The following FAM76A variants were observed in gnomAD, a reference collection of about 807,000 sequenced individuals.
FAM76A encodes family with sequence similarity 76 member A.
FAM76A carries 32 observed loss-of-function variants against 46.2 expected under a neutral mutation model. That is an observed-to-expected ratio of 0.69 (90% CI 0.52 to 0.93). The LOEUF (loss-of-function observed/expected upper bound fraction) is 0.93. Among genes scored for constraint, FAM76A ranks in the 40% least tolerant of loss-of-function variants. The probability of loss-of-function intolerance (pLI) is 0.00; values close to 1 mark genes in which losing one functional copy is unlikely to be tolerated. For missense variants in FAM76A, 274 were observed against 361.5 expected (o/e 0.76, Z 1.96); for synonymous variants, 137 against 127.0 (o/e 1.08, Z -0.53).
intron 4 of FAM76A, chr1:27,740,508 C>T: frequency 7.1e-7 from 1 of 1,408,062 alleles, no homozygotes. Flanking sequence ...TGTGCAGAGG[C>T]AGGAGCTAAC....
Position 27,732,598 on chromosome 1 carries a change from A to G in FAM76A, c.147-5A>G. The G allele has an allele frequency of 6.2e-7, 1 of 1,605,840 alleles. No individual in the cohort carries two copies. Among genetic ancestry groups the G allele is most frequent in the African/African-American group, 1.3e-5 (1 of 74,938 alleles). Reference sequence around the variant, plus strand: ...AAAAGCCTGTGTCTCTTTCTTCCTTAACAGTAAAACCAATACAATATGCAA... The same window carrying G: ...AAAAGCCTGTGTCTCTTTCTTCCTTGACAGTAAAACCAATACAATATGCAA... On this transcript the variant is annotated splice_polypyrimidine_tract_variant and splice_region_variant and intron_variant, in intron 2 of 8. Coordinates refer to ENST00000373954, the MANE Select transcript of FAM76A (RefSeq NM_152660.3).
At chr1:27,753,125 C>T (rs185755984) in intron 6 of FAM76A, among the ~76,000 whole-genome samples, 1 of 152,086 alleles carries the variant, frequency 6.6e-6, no homozygotes, top group East Asian at 1.9e-4. Context: ...TGTGGTGAGC[C>T]GAGATCATGC....
intron 6 of FAM76A, among the ~76,000 whole-genome samples, chr1:27,751,141 C>T (rs1450637882): frequency 6.7e-6 from 1 of 149,282 alleles, no homozygotes; most frequent in Non-Finnish European, 1.5e-5. Context: ...CAGTGAGACT[C>T]TGTCTCAAAA....
At chr1:27,759,305 A>G (rs1172966467) in intron 7 of FAM76A, among the ~76,000 whole-genome samples, 1 of 152,210 alleles carries the variant, frequency 6.6e-6, no homozygotes, top group East Asian at 1.9e-4. Context: ...GGTAGCAACT[A>G]TTATTCTCAA....
chr1:27,748,122 T>A (rs2088271069), intron 5 of FAM76A, among the ~76,000 whole-genome samples: 1 of 133,198 alleles, frequency 7.5e-6, no homozygotes, highest in South Asian at 2.5e-4. Context: ...TAAAAGAAGT[T>A]TTTTTTTTTT....
intron 2 of FAM76A, among the ~76,000 whole-genome samples, chr1:27,728,949 G>A (rs1016498631): frequency 1.3e-5 from 2 of 151,598 alleles, no homozygotes; most frequent in Admixed American, 1.3e-4. Flanking sequence ...GGGTGACGGG[G>A]GGAAACTCTG....
Position 27,744,745 on chromosome 1 carries a change from C to T in FAM76A, c.446C>T (p.Ser149Phe), listed in dbSNP as rs754748633. The change falls in exon 5 of 9, where the codon TCT becomes TTT. Residue 149 changes from serine (S) to phenylalanine (F), a missense_variant. By Grantham distance (155) the Ser-to-Phe change is radical. Coordinates refer to ENST00000373954, the MANE Select transcript of FAM76A (RefSeq NM_152660.3). The part of the protein sequence containing the change: ...TKEQRKHLSS[S>F]SRAGHQEKEQ... ...GAGCAGAGGAAACACCTGAGTAGCTCTTCTCGTGCTGGCCACCAGGAGAAG... is the reference window on the plus strand; with the variant it reads ...GAGCAGAGGAAACACCTGAGTAGCTTTTCTCGTGCTGGCCACCAGGAGAAG... The T allele has an allele frequency of 7.4e-6, 12 of 1,614,160 alleles. No homozygotes were observed. Among genetic ancestry groups the T allele is most frequent in the Non-Finnish European group, 1.0e-5 (12 of 1,180,030 alleles).
chr1:27,747,812 C>G (rs557233884), intron 5 of FAM76A, among the ~76,000 whole-genome samples: 2 of 151,962 alleles, frequency 1.3e-5, no homozygotes, highest in South Asian at 4.1e-4. Context: ...CCCAGCTATT[C>G]GGGAGGCTGA....
intron 1 of FAM76A, among the ~76,000 whole-genome samples, 164 bp downstream of exon 1, chr1:27,726,325 G>A (rs868070371): frequency 4.2e-4 from 64 of 152,134 alleles, no homozygotes; most frequent in African/African-American, 1.4e-3. Flanking sequence ...GGGCACGTGC[G>A]GGAGCCGGGA....
chr1:27,740,351 T>C, intron 4 of FAM76A: 1 of 1,052,812 alleles, frequency 9.5e-7, no homozygotes. Context: ...ATCAAATAGA[T>C]ACGGCCTTGG....
intron 4 of FAM76A, among the ~76,000 whole-genome samples, chr1:27,741,159 GT>G (rs1300164887): frequency 2.0e-5 from 3 of 148,492 alleles, no homozygotes; most frequent in Non-Finnish European, 4.5e-5. Context: ...AACAATTCAT[GT>G]GGTGAAATAC....
chr1:27,756,978 T>G (rs1319264793), intron 7 of FAM76A, among the ~76,000 whole-genome samples: 2 of 151,622 alleles, frequency 1.3e-5, no homozygotes, highest in Non-Finnish European at 2.9e-5. Context: ...AGGATCACCT[T>G]AGCCTGGGAG....
At chr1:27,753,599 G>C (rs1328601493) in intron 6 of FAM76A, among the ~76,000 whole-genome samples, 3 of 152,190 alleles carry the variant, frequency 2.0e-5, no homozygotes, top group Non-Finnish European at 4.4e-5. Context: ...TCCTCTGACA[G>C]TCTTCTCATA....
chr1:27,749,304 A>G (rs2088296625), intron 6 of FAM76A, 150 bp downstream of exon 6: 2 of 465,600 alleles, frequency 4.3e-6, no homozygotes, highest in South Asian at 1.2e-4. Context: ...TATAAATCTA[A>G]TCTTGTCATT....
At chr1:27,739,511 G>T (rs1057082122) in intron 4 of FAM76A, 6 of 363,030 alleles carry the variant, frequency 1.7e-5, no homozygotes, top group African/African-American at 1.3e-4. Context: ...ATATGGCAGG[G>T]TGTGGTGGCT....
intron 4 of FAM76A, among the ~76,000 whole-genome samples, chr1:27,736,490 A>T (rs2088047868): frequency 6.6e-6 from 1 of 152,212 alleles, no homozygotes; most frequent in Non-Finnish European, 1.5e-5. Flanking sequence ...AAAGGTCAAG[A>T]TACTAGTAAA....
At chr1:27,749,790 T>C (rs1416535661) in intron 6 of FAM76A, among the ~76,000 whole-genome samples, 3 of 152,102 alleles carry the variant, frequency 2.0e-5, no homozygotes, top group Admixed American at 2.0e-4. Flanking sequence ...TGTTGCCAAA[T>C]TTGTGAGGAT....
chr1:27,737,019 G>A (rs940562006), intron 4 of FAM76A, among the ~76,000 whole-genome samples: 2 of 150,764 alleles, frequency 1.3e-5, no homozygotes, highest in African/African-American at 4.9e-5. Flanking sequence ...GCACGATCTC[G>A]GCTCACCACA....
rs566712035 is a variant in FAM76A at position 27,755,244 on chromosome 1, A to G, written c.649A>G (p.Ile217Val). ...CTCACCAGGCACTGACCACTTTGTC[A>G]TCATTGCCCAACTGAAGGAAGAAGT... ...LDSPGTDHFV[I>V]IAQLKEEVAT... The change falls in exon 7 of 9, where the codon ATC (isoleucine) becomes GTC (valine). Residue 217 changes from isoleucine (I) to valine (V), a missense_variant. Transcript: ENST00000373954. The G allele has an allele frequency of 6.2e-7, 1 of 1,614,202 alleles. No homozygotes were observed. Among genetic ancestry groups the G allele is most frequent in the African/African-American group, 1.3e-5 (1 of 75,050 alleles).
Sources: allele counts gnomAD v4.1 joint callset (sites outside exome capture counted in the v4.1 genomes callset), GRCh38; gene constraint gnomAD v4.1.1; transcripts MANE v1.5; gene names NCBI Gene and HGNC (gene_info 2026-07-23, HGNC 2026-07-21).